Variants in NDRG3 observed in about 807,000 individuals in gnomAD.
The protein encoded by NDRG3 is NDRG family member 3.
A neutral mutation model predicts 57.2 loss-of-function variants in NDRG3; 23 were observed. The ratio of observed to expected loss-of-function variants is 0.40; its 90% confidence interval spans 0.29 to 0.57. The LOEUF is 0.57. Ranked by LOEUF, NDRG3 falls within the 20% of genes least tolerant of loss-of-function variation. The probability of loss-of-function intolerance (pLI) is 0.42; values close to 1 mark genes in which losing one functional copy is unlikely to be tolerated. For synonymous variants in NDRG3, 132 were observed against 162.6 expected (o/e 0.81, Z 1.43); for missense variants, 384 against 457.3 (o/e 0.84, Z 1.46).
At chr20:36,724,537 G>A (rs969626666) in intron 1 of NDRG3, among the ~76,000 whole-genome samples, 1 of 152,070 alleles carries the variant, frequency 6.6e-6, no homozygotes, top group Non-Finnish European at 1.5e-5. Flanking sequence ...TGGCCTAACT[G>A]GAATCTACTC....
chr20:36,733,901 T>C (rs1406530601), intron 1 of NDRG3, among the ~76,000 whole-genome samples: 1 of 152,178 alleles, frequency 6.6e-6, no homozygotes, highest in Non-Finnish European at 1.5e-5. Flanking sequence ...CCTCTCTCTT[T>C]ATACCTTTGA....
chr20:36,666,735 G>T (rs2148045849), intron 9 of NDRG3, among the ~76,000 whole-genome samples: 1 of 152,238 alleles, frequency 6.6e-6, no homozygotes, highest in Middle Eastern at 3.4e-3. Flanking sequence ...ATTGTAAAAT[G>T]AAGACAATAA....
chr20:36,682,816 C>A (rs6028751), intron 6 of NDRG3, among the ~76,000 whole-genome samples: 52 of 152,280 alleles, frequency 3.4e-4, no homozygotes, highest in African/African-American at 1.2e-3. Context: ...CTTTGGGAGG[C>A]CGAGGCAGGC....
chr20:36,660,238 G>A, intron 13 of NDRG3, 99 bp downstream of exon 13: 1 of 959,822 alleles, frequency 1.0e-6, no homozygotes, highest in Non-Finnish European at 1.6e-6. Context: ...GATAACCAAA[G>A]AGAGGGAAGC....
chr20:36,658,196 A>G (rs886800885), intron 13 of NDRG3, among the ~76,000 whole-genome samples: 2 of 152,186 alleles, frequency 1.3e-5, no homozygotes, highest in Non-Finnish European at 2.9e-5. Context: ...CAATGGTGCA[A>G]TCTTGGCTCA....
At chr20:36,684,351 A>G in intron 6 of NDRG3, 62 bp downstream of exon 6, 1 of 1,362,642 alleles carries the variant, frequency 7.3e-7, no homozygotes, top group Admixed American at 1.7e-5. Flanking sequence ...TGAAACAGAC[A>G]CTAAATAATT....
chr20:36,738,387 C>G (rs772263749), intron 1 of NDRG3, among the ~76,000 whole-genome samples: 1 of 151,012 alleles, frequency 6.6e-6, no homozygotes, highest in Admixed American at 6.6e-5. Flanking sequence ...CCCAGCTACA[C>G]GAGAGACTGA....
At chr20:36,732,245 C>G in intron 1 of NDRG3, among the ~76,000 whole-genome samples, 1 of 152,154 alleles carries the variant, frequency 6.6e-6, no homozygotes, top group Non-Finnish European at 1.5e-5. Context: ...TTAACAAGAT[C>G]AGTGACTTTC....
At chr20:36,731,771 C>T (rs1477188825) in intron 1 of NDRG3, among the ~76,000 whole-genome samples, 1 of 151,510 alleles carries the variant, frequency 6.6e-6, no homozygotes, top group Non-Finnish European at 1.5e-5. Flanking sequence ...GATCGCACCA[C>T]TGTGCTCCAG....
At chr20:36,728,902 A>G (rs1468069477) in intron 1 of NDRG3, among the ~76,000 whole-genome samples, 1 of 151,942 alleles carries the variant, frequency 6.6e-6, no homozygotes, top group Non-Finnish European at 1.5e-5. Flanking sequence ...TTGTATTTTT[A>G]GTAGAGACAA....
intron 2 of NDRG3, among the ~76,000 whole-genome samples, chr20:36,717,489 A>C (rs889558032): frequency 6.6e-6 from 1 of 152,250 alleles, no homozygotes; most frequent in South Asian, 2.1e-4. Context: ...ATGCCAAAAC[A>C]TCTATAGGAT....
chr20:36,716,973 G>C (rs1984314224), intron 2 of NDRG3, among the ~76,000 whole-genome samples: 2 of 152,142 alleles, frequency 1.3e-5, no homozygotes, highest in Admixed American at 6.6e-5. Context: ...CTGTAAAATA[G>C]AGTTAAAATA....
At chr20:36,693,123 T>C (rs868364029) in intron 3 of NDRG3, among the ~76,000 whole-genome samples, 1 of 59,134 alleles carries the variant, frequency 1.7e-5, no homozygotes, top group African/African-American at 7.2e-5. Flanking sequence ...TATATATATA[T>C]ATATATATAT....
chr20:36,730,198 G>A (rs1350494361), intron 1 of NDRG3, among the ~76,000 whole-genome samples: 1 of 150,588 alleles, frequency 6.6e-6, no homozygotes, highest in South Asian at 2.1e-4. Context: ...AGTGAGGTGA[G>A]ATTGTGCCAC....
At chr20:36,714,829 T>C (rs1173405817) in intron 2 of NDRG3, among the ~76,000 whole-genome samples, 1 of 151,052 alleles carries the variant, frequency 6.6e-6, no homozygotes, top group African/African-American at 2.4e-5. Context: ...GTAAGGCTGG[T>C]CTCGAACTCC....
At chr20:36,741,393 A>G (rs1216045083) in intron 1 of NDRG3, among the ~76,000 whole-genome samples, 1 of 152,192 alleles carries the variant, frequency 6.6e-6, no homozygotes, top group Non-Finnish European at 1.5e-5. Context: ...CAGACACTCT[A>G]AAAATGTTTG....
At chr20:36,678,532 T>G (rs1980956940) in intron 8 of NDRG3, among the ~76,000 whole-genome samples, 1 of 151,992 alleles carries the variant, frequency 6.6e-6, no homozygotes, top group Admixed American at 6.6e-5. Context: ...AATACAAAAA[T>G]GAGCCAGGCA....
At chr20:36,743,222 G>A (rs1222952517) in intron 1 of NDRG3, among the ~76,000 whole-genome samples, 2 of 152,192 alleles carry the variant, frequency 1.3e-5, no homozygotes, top group South Asian at 2.1e-4. Context: ...AGCCGGGCTC[G>A]GAGGCTCACG....
At chr20:36,736,887 G>T (rs1416208588) in intron 1 of NDRG3, among the ~76,000 whole-genome samples, 1 of 152,112 alleles carries the variant, frequency 6.6e-6, no homozygotes, top group Non-Finnish European at 1.5e-5. Context: ...TACTTAAGTA[G>T]CTGATATGCT....
Sources: allele counts gnomAD v4.1 joint callset (sites outside exome capture counted in the v4.1 genomes callset), GRCh38; gene constraint gnomAD v4.1.1; transcripts MANE v1.5; gene names NCBI Gene and HGNC (gene_info 2026-07-23, HGNC 2026-07-21).